Variants in TRAF2 observed in about 807,000 individuals in gnomAD.
TRAF2 encodes TNF receptor associated factor 2.
TRAF2 carries 6 observed loss-of-function variants against 55.6 expected under a neutral mutation model. The observed-to-expected ratio is 0.11, with a 90% CI of 0.06 to 0.21. The LOEUF (loss-of-function observed/expected upper bound fraction) is 0.21, where lower values mean the gene tolerates loss of function less well. Among genes scored for constraint, TRAF2 ranks in the 10% least tolerant of loss-of-function variants. The probability of loss-of-function intolerance (pLI) is 1.00; values close to 1 mark genes in which losing one functional copy is unlikely to be tolerated. For missense variants in TRAF2, 561 were observed against 684.5 expected, an observed-to-expected ratio of 0.82 and a Z score of 2.01; for synonymous variants, 329 against 276.3, an observed-to-expected ratio of 1.19 and a Z score of -1.89.
intron 1 of TRAF2, chr9:136,889,872 G>T (rs998255022): frequency 1.3e-5 from 2 of 151,866 alleles, no homozygotes; most frequent in East Asian, 3.9e-4. Context: ...AGTCATCCCC[G>T]CATGCTCATT....
At position 136,903,961 on chromosome 9, in the gene TRAF2, C is replaced by T. The variant is rs549682284; in HGVS notation, c.366+3441C>T. 4.9e-3 allele frequency among the ~76,000 whole-genome samples: 746 copies of T among 152,244 alleles called. 7 individuals carry two copies. The highest frequency in any genetic ancestry group is 0.017 in the African/African-American group (712 of 41,540). On this transcript the variant is annotated intron_variant, in intron 4 of 10. Coordinates refer to ENST00000247668, the MANE Select transcript of TRAF2 (RefSeq NM_021138.4). ...CCTCCCAAAGTGCTGGGATTACAGG[C>T]GTGAGCCACCGCGCCCAGCCAAGAA...
chr9:136,902,679 G>A (rs1849848941), intron 4 of TRAF2, among the ~76,000 whole-genome samples: 1 of 152,198 alleles, frequency 6.6e-6, no homozygotes, highest in African/African-American at 2.4e-5. Flanking sequence ...TGTGGCCTTT[G>A]ATTTTGTTGA....
At chr9:136,910,597 C>T (rs1443028045) in intron 6 of TRAF2, among the ~76,000 whole-genome samples, 1 of 152,210 alleles carries the variant, frequency 6.6e-6, no homozygotes, top group Non-Finnish European at 1.5e-5. Flanking sequence ...GTAGCTCATC[C>T]AGAGAGGCTG....
At chr9:136,885,933 A>C (rs540297109), upstream of TRAF2, 2 of 152,352 alleles carry the variant, frequency 1.3e-5, no homozygotes, top group South Asian at 4.1e-4. Context: ...CCTGTTTCTC[A>C]TAAATGTTAC....
upstream of TRAF2, among the ~76,000 whole-genome samples, chr9:136,885,379 T>C (rs1849425906): frequency 6.6e-6 from 1 of 152,120 alleles, no homozygotes; most frequent in African/African-American, 2.4e-5. Flanking sequence ...GTGTGTCCAG[T>C]GCTAGCCCGT....
intron 7 of TRAF2, among the ~76,000 whole-genome samples, chr9:136,917,606 C>T (rs1850272831): frequency 6.6e-6 from 1 of 152,230 alleles, no homozygotes; most frequent in South Asian, 2.1e-4. Flanking sequence ...CTCCCCTGGC[C>T]AGCTCACTGG....
chr9:136,908,252 G>A lies in TRAF2; in HGVS notation c.528+21G>A, dbSNP rs781143574. ...TGAAGGTGCGTGGGGTGGAGCAGCA[G>A]CCTGTGTGGCTGCAGCCATGCGGGG... is the stretch of plus-strand genomic sequence containing the variant. On this transcript the variant is annotated intron_variant, in intron 5 of 10. Transcript: ENST00000247668. 9.7e-6 allele frequency: 15 copies of A among 1,546,644 alleles called. No individual in the cohort carries two copies. In the Middle Eastern group the frequency reaches 5.4e-4, roughly 56 times the overall value.
chr9:136,912,155 T>C (rs1428365725), intron 6 of TRAF2, among the ~76,000 whole-genome samples: 1 of 8,890 alleles, frequency 1.1e-4, no homozygotes, highest in Admixed American at 5.7e-4. Flanking sequence ...TCTGGCCCTT[T>C]TTTTTTTTTT....
Position 136,898,761 on chromosome 9 carries a change from C to G in TRAF2, c.21C>G (p.Thr7=). 6.2e-7 allele frequency: 1 copy of G among 1,613,578 alleles called. No homozygotes were observed. The highest frequency in any genetic ancestry group is 8.5e-7 in the Non-Finnish European group (1 of 1,180,022). Residue 7 remains threonine (T), a synonymous_variant, in exon 2 of 11, where the codon ACC becomes ACG. Transcript: ENST00000247668. ...CTCTCATGGCTGCAGCTAGCGTGAC[C>G]CCCCCTGGCTCCCTGGAGTTGCTAC... MAAASV[T]PPGSLELLQP... is the part of the protein sequence containing the mutation.
At chr9:136,911,104 C>T (rs1299690902) in intron 6 of TRAF2, among the ~76,000 whole-genome samples, 2 of 152,282 alleles carry the variant, frequency 1.3e-5, no homozygotes, top group East Asian at 3.9e-4. Context: ...GGGGGTTGTA[C>T]AGAGGAGTTA....
At chr9:136,884,369 G>C (rs1331541884), upstream of TRAF2, among the ~76,000 whole-genome samples, 1 of 151,786 alleles carries the variant, frequency 6.6e-6, no homozygotes, top group African/African-American at 2.4e-5. Context: ...ACCAGCCTGA[G>C]CAACACGGTG....
At chr9:136,893,496 G>C (rs2131280266) in intron 1 of TRAF2, among the ~76,000 whole-genome samples, 1 of 152,340 alleles carries the variant, frequency 6.6e-6, no homozygotes, top group African/African-American at 2.4e-5. Context: ...GCGTTCCCCA[G>C]TCCTGTATGC....
Position 136,908,057 on chromosome 9 carries a change from C to CT in TRAF2, c.367-10dup. On this transcript the variant is annotated splice_polypyrimidine_tract_variant and intron_variant, in intron 4 of 10. Transcript: ENST00000247668. Reference sequence around the variant, plus strand: ...ACGCGAGTTCTACTGACGCTTCCTCCTTTCGTTGCTAGAGCTGCCACGAAG... The same window carrying CT: ...ACGCGAGTTCTACTGACGCTTCCTCCTTTTCGTTGCTAGAGCTGCCACGAAG... The CT allele has an allele frequency of 6.3e-7, 1 of 1,595,476 alleles. No individual in the cohort carries two copies. Among genetic ancestry groups the CT allele is most frequent in the Non-Finnish European group, 8.5e-7 (1 of 1,175,638 alleles).
In TRAF2 at chr9:136,926,231, A is replaced by ATTTT; in HGVS notation, c.*330_*331insTTTT. 4.4e-6 allele frequency: 2 copies of ATTTT among 454,620 alleles called. No individual in the cohort carries two copies. Among genetic ancestry groups the ATTTT allele is most frequent in the Admixed American group, 3.0e-5 (1 of 33,402 alleles). The allele number at this position is 454,620 out of a possible 1,614,324, so 28.2% of individuals were successfully genotyped here. ...GAGAGGCCCTGGGTGGGGGACACTC[A>ATTTT]GAGTGGGAGCACATCCCAGCAGTGC... On this transcript the variant is annotated 3_prime_UTR_variant, in exon 11 of 11. Transcript: ENST00000247668.
At chr9:136,904,131 C>G (rs111425930) in intron 4 of TRAF2, among the ~76,000 whole-genome samples, 22 of 152,362 alleles carry the variant, frequency 1.4e-4, no homozygotes, top group African/African-American at 5.0e-4. Flanking sequence ...TTCAACCCCC[C>G]ACACACATTT....
chr9:136,926,168 C>G lies in TRAF2; in HGVS notation c.*267C>G, dbSNP rs1850528029. 1.3e-5 allele frequency: 8 copies of G among 625,836 alleles called. No homozygotes were observed. The highest frequency in any genetic ancestry group is 1.1e-4 in the South Asian group (7 of 62,980). 38.8% of individuals were successfully genotyped at this position (625,836 alleles called of 1,614,324 possible). ...TTGGCCGAGGGTCTTCGGGTGCTTC[C>G]CAGCACAAGCTGCCCTTGCTGTCCT... On this transcript the variant is annotated 3_prime_UTR_variant, in exon 11 of 11. Transcript: ENST00000247668.
At chr9:136,895,218 G>A (rs1004484838) in intron 1 of TRAF2, among the ~76,000 whole-genome samples, 6 of 152,164 alleles carry the variant, frequency 3.9e-5, no homozygotes, top group African/African-American at 7.2e-5. Flanking sequence ...GGTGACCCAC[G>A]CCACCGTGTC....
At chr9:136,907,685 G>A (rs1849987176) in intron 4 of TRAF2, among the ~76,000 whole-genome samples, 1 of 152,152 alleles carries the variant, frequency 6.6e-6, no homozygotes, top group South Asian at 2.1e-4. Context: ...TTGGTCATCA[G>A]ATCGAGCGTG....
chr9:136,919,680 T>TTCTTCCCTTCGTCCCTTCGTCCCG (rs17250546), intron 7 of TRAF2, among the ~76,000 whole-genome samples: 1 of 148,608 alleles, frequency 6.7e-6, no homozygotes, highest in Non-Finnish European at 1.5e-5. Context: ...TTCCCTCCCC[T>TTCTTCCCTTCGTCCCTTCGTCCCG]TCTTCCCTTC....
Sources: gnomAD v4.1 joint callset for allele counts (sites outside exome capture counted in the v4.1 genomes callset) on GRCh38, gnomAD v4.1.1 for gene constraint, MANE v1.5 for transcripts, NCBI Gene and HGNC (gene_info 2026-07-23, HGNC 2026-07-21) for gene names.